AMBN: variants seen among roughly 807,000 people sequenced by gnomAD.
AMBN encodes the protein ameloblastin.
Under a neutral mutation model 48.0 loss-of-function variants are expected in AMBN, and 54 were observed. The observed-to-expected ratio is 1.12, with a 90% CI of 0.90 to 1.41. AMBN has a LOEUF of 1.41. Among genes scored for constraint, AMBN ranks in the 40% most tolerant of loss-of-function variants. The pLI is 0.00. For missense variants in AMBN, 571 were observed against 547.3 expected, an observed-to-expected ratio of 1.04 and a Z score of -0.43; for synonymous variants, 186 against 190.0, an observed-to-expected ratio of 0.98 and a Z score of 0.17.
chr4:70,606,156 G>C, intron 12 of AMBN, 29 bp from the exon 13 acceptor site: 1 of 1,610,500 alleles, frequency 6.2e-7, no homozygotes, highest in East Asian at 2.2e-5. Context: ...TGTGATGATG[G>C]CATCTTTGAC....
intron 2 of AMBN, 126 bp downstream of exon 2, chr4:70,593,521 T>A: frequency 1.3e-6 from 1 of 789,226 alleles, no homozygotes; most frequent in Non-Finnish European, 2.0e-6. Context: ...GGTTTAGTCC[T>A]ATTGAGTCAA....
intron 12 of AMBN, 108 bp downstream of exon 12, chr4:70,604,029 A>G: frequency 1.8e-6 from 2 of 1,087,216 alleles, no homozygotes; most frequent in South Asian, 1.5e-5. Context: ...TGAGCATGGG[A>G]CTCAGATTTT....
At chr4:70,603,357 T>G in intron 10 of AMBN, 38 bp downstream of exon 10, 1 of 1,612,846 alleles carries the variant, frequency 6.2e-7, no homozygotes, top group Non-Finnish European at 8.5e-7. Context: ...GTTTGCAATT[T>G]ACTTAAAAGT....
At chr4:70,601,133 G>A (rs977275889) in intron 5 of AMBN, among the ~76,000 whole-genome samples, 90 of 152,140 alleles carry the variant, frequency 5.9e-4, no homozygotes, top group Non-Finnish European at 5.9e-5. Flanking sequence ...CATACAGACA[G>A]CTATGGGAAC....
chr4:70,601,967 T>C, intron 6 of AMBN: 1 of 502,430 alleles, frequency 2.0e-6, no homozygotes, highest in Non-Finnish European at 3.8e-6. Context: ...AGGTTTCCTA[T>C]CACTGGTCTT....
chr4:70,599,676 C>A (rs754031212), intron 5 of AMBN, 30 bp downstream of exon 5: 1 of 1,515,872 alleles, frequency 6.6e-7, no homozygotes, highest in Non-Finnish European at 9.1e-7. Context: ...ATGTTTGAAA[C>A]CTCAGGCTTT....
intron 4 of AMBN, among the ~76,000 whole-genome samples, chr4:70,598,774 A>T (rs1445076550): frequency 2.6e-5 from 4 of 151,488 alleles, no homozygotes; most frequent in African/African-American, 2.4e-5. Context: ...TTTTATTTTT[A>T]TTTATTTATT....
chr4:70,598,019 G>T (rs1374759566), intron 3 of AMBN, among the ~76,000 whole-genome samples: 6 of 151,760 alleles, frequency 4.0e-5, no homozygotes, highest in Non-Finnish European at 8.8e-5. Context: ...AAATTAAATG[G>T]GGAGAAAGAG....
chr4:70,596,279 C>CAAA (rs36108778), intron 2 of AMBN, among the ~76,000 whole-genome samples: 2 of 117,290 alleles, frequency 1.7e-5, no homozygotes, highest in Admixed American at 9.0e-5. Flanking sequence ...AACTTAGTCT[C>CAAA]AAAAAAAAAA....
chr4:70,603,728 T>G, intron 11 of AMBN, 149 bp from the exon 12 acceptor site: 1 of 835,386 alleles, frequency 1.2e-6, no homozygotes, highest in Non-Finnish European at 1.9e-6. Flanking sequence ...TGACTACATT[T>G]ATTCCATAAT....
At chr4:70,595,895 C>A (rs1269867561) in intron 2 of AMBN, among the ~76,000 whole-genome samples, 1 of 152,174 alleles carries the variant, frequency 6.6e-6, no homozygotes, top group East Asian at 1.9e-4. Context: ...GTGGCTCATG[C>A]CTATCATCCT....
rs762840330 is a variant in AMBN, at chr4:70,599,643, A to G, written c.291A>G (p.Gln97=). ...PWMRPREHET[Q]QYEYSLPVHP... ...TGAGGCCAAGAGAACATGAAACTCA[A>G]CAGGTGAGTGAATAGCATCAATATG... The change falls in exon 5 of 13, where the codon CAA becomes CAG. Residue 97 remains glutamine, a synonymous_variant. Coordinates refer to ENST00000322937, the MANE Select transcript of AMBN (RefSeq NM_016519.6). The G allele has an allele frequency of 4.4e-6, 7 of 1,602,776 alleles. No individual in the cohort carries two copies. In the East Asian group the frequency reaches 6.7e-5, roughly 15 times the overall value.
chr4:70,596,327 G>A (rs1223663403), intron 2 of AMBN, among the ~76,000 whole-genome samples: 4 of 150,758 alleles, frequency 2.7e-5, no homozygotes, highest in Non-Finnish European at 5.9e-5. Context: ...AAAGCTAATT[G>A]TATAGATAGG....
Position 70,606,925 on chromosome 4 carries a change from T to C in AMBN, c.*195T>C, listed in dbSNP as rs1737673888. 1.7e-6 allele frequency: 1 copy of C among 602,042 alleles called. No homozygotes were observed. Among genetic ancestry groups the C allele is most frequent in the Admixed American group, 3.1e-5 (1 of 31,908 alleles). The allele number at this position is 602,042 out of a possible 1,614,324, so 37.3% of individuals were successfully genotyped here. ...CTTTCAATATCTTGTTGAAATAAAA[T>C]GTGTCAATTGTCTCTGTGATTTAGA... is the stretch of plus-strand genomic sequence containing the variant. On this transcript the variant is annotated 3_prime_UTR_variant, in exon 13 of 13. Coordinates refer to ENST00000322937, the MANE Select transcript of AMBN (RefSeq NM_016519.6).
Position 70,601,603 on chromosome 4 carries a change from G to T in AMBN, c.480G>T (p.Leu160=), listed in dbSNP as rs942273883. ...LGHLPLQEGE[L]PLVQQQVAPS... ...ATCTGCCCTTGCAGGAAGGAGAACT[G>T]CCTCTGGTTCAGCAGCAGGTGGCAC... The change falls in exon 6 of 13, where the codon CTG becomes CTT. Residue 160 remains leucine, a synonymous_variant. Transcript: ENST00000322937. The T allele has an allele frequency of 3.4e-5, 55 of 1,614,160 alleles. No individual in the cohort carries two copies. The highest frequency in any genetic ancestry group is 4.5e-5 in the Non-Finnish European group (53 of 1,180,000).
intron 10 of AMBN, 33 bp downstream of exon 10, chr4:70,603,352 C>T (rs1737569401): frequency 6.2e-7 from 1 of 1,612,570 alleles, no homozygotes; most frequent in Non-Finnish European, 8.5e-7. Context: ...TCTCTGTTTG[C>T]AATTTACTTA....
chr4:70,606,401 C>A lies in AMBN; in HGVS notation c.1015C>A (p.Pro339Thr), dbSNP rs1187829322. 2.5e-6 allele frequency: 4 copies of A among 1,613,832 alleles called. No individual in the cohort carries two copies. ...GGCCAACCCAGACAATCTAGAAAAC[C>A]CAGCTTTCCTTACAGAGCTAGAACC... ...PEANPDNLEN[P>T]AFLTELEPAP... The change falls in exon 13 of 13, where the codon CCA becomes ACA. Residue 339 changes from proline to threonine, a missense_variant. Physicochemically the swap from Pro to Thr is conservative, Grantham distance 38. Transcript: ENST00000322937.
In AMBN at chr4:70,606,390, A is replaced by T. The variant is rs769371270; in HGVS notation, c.1004A>T (p.Asn335Ile). The change falls in exon 13 of 13, where the codon AAT (asparagine) becomes ATT (isoleucine). Residue 335 changes from asparagine to isoleucine, a missense_variant. Physicochemically the swap from Asn to Ile is moderately radical, Grantham distance 149. Coordinates refer to ENST00000322937, the MANE Select transcript of AMBN (RefSeq NM_016519.6). The part of the protein sequence containing the change: ...GSPMPEANPD[N>I]LENPAFLTEL... ...CCTATGCCGGAGGCCAACCCAGACA[A>T]TCTAGAAAACCCAGCTTTCCTTACA... 6.2e-7 allele frequency: 1 copy of T among 1,613,966 alleles called. No homozygotes were observed.
intron 7 of AMBN, 25 bp downstream of exon 7, chr4:70,602,687 C>A (rs1553884744): frequency 6.5e-7 from 1 of 1,543,896 alleles, no homozygotes; most frequent in Non-Finnish European, 8.8e-7. Flanking sequence ...CAATGAGACA[C>A]TTTCTGTATT....
Sources: allele counts gnomAD v4.1 joint callset (sites outside exome capture counted in the v4.1 genomes callset), GRCh38; gene constraint gnomAD v4.1.1; transcripts MANE v1.5; gene names NCBI Gene and HGNC (gene_info 2026-07-23, HGNC 2026-07-21).